RPF1: variants seen among roughly 807,000 people sequenced by gnomAD.
The protein encoded by RPF1 is ribosome production factor 1 homolog.
Under a neutral mutation model 41.9 loss-of-function variants are expected in RPF1, and 34 were observed. The observed-to-expected ratio is 0.81, with a 90% CI of 0.62 to 1.08. The LOEUF is 1.08. RPF1 is among the 50% of genes least tolerant of loss of function. The pLI is 0.00. For synonymous variants in RPF1, 140 were observed against 148.9 expected (o/e 0.94, Z 0.43); for missense variants, 425 against 435.2 (o/e 0.98, Z 0.21).
At chr1:84,486,899 A>T (rs925220644) in intron 3 of RPF1, among the ~76,000 whole-genome samples, 5 of 152,190 alleles carry the variant, frequency 3.3e-5, no homozygotes, top group Admixed American at 3.3e-4. Flanking sequence ...GATGGTATTA[A>T]GGTTTTAGAC....
At chr1:84,479,620 G>T in intron 1 of RPF1, 111 bp downstream of exon 1, 2 of 1,044,134 alleles carry the variant, frequency 1.9e-6, no homozygotes, top group Non-Finnish European at 2.8e-6. Context: ...GTTCTCTGTG[G>T]CTCCGTGGGA....
At chr1:84,490,606 C>A in intron 5 of RPF1, 134 bp downstream of exon 5, 1 of 627,986 alleles carries the variant, frequency 1.6e-6, no homozygotes, top group Non-Finnish European at 2.6e-6. Context: ...GTATCTCTTT[C>A]CAAGAGTCTA....
rs1681814351 is a variant in RPF1, at chr1:84,490,453, T to C, written c.597T>C (p.Asn199=). The C allele has an allele frequency of 6.3e-7, 1 of 1,595,122 alleles. No individual in the cohort carries two copies. The highest frequency in any genetic ancestry group is 8.5e-7 in the Non-Finnish European group (1 of 1,174,286). ...ATTTCACAGACCTGATTGTTATTAA[T>C]GAAGATCGTAAAACCCCAAGTATCC... ...ARDFTDLIVI[N]EDRKTPNGLI... is the part of the protein sequence containing the mutation. The change falls in exon 5 of 9, where the codon AAT becomes AAC. Residue 199 remains asparagine, a synonymous_variant. Coordinates refer to ENST00000370654, the MANE Select transcript of RPF1 (RefSeq NM_025065.7).
rs760033678 is a variant in RPF1 at position 84,496,383 on chromosome 1, T to C, written c.1008+13T>C. ...ATGGGTCCATAAGGTATGTGCTTAT[T>C]GTTTAAAAAGACTAAGTCATTTTTA... is the stretch of plus-strand genomic sequence containing the variant. On this transcript the variant is annotated intron_variant, in intron 8 of 8. Coordinates refer to ENST00000370654, the MANE Select transcript of RPF1 (RefSeq NM_025065.7). 1.3e-6 allele frequency: 2 copies of C among 1,582,572 alleles called. No homozygotes were observed. The highest frequency in any genetic ancestry group is 2.7e-5 in the African/African-American group (2 of 73,242).
chr1:84,483,160 T>G, intron 3 of RPF1, 165 bp downstream of exon 3: 1 of 509,346 alleles, frequency 2.0e-6, no homozygotes, highest in Admixed American at 3.4e-5. Context: ...TATTTCATAA[T>G]TGAATTTCCC....
intron 3 of RPF1, among the ~76,000 whole-genome samples, chr1:84,488,340 A>G (rs1272963226): frequency 1.3e-5 from 2 of 152,092 alleles, no homozygotes; most frequent in African/African-American, 4.8e-5. Context: ...CTATTCCTGG[A>G]TATCTTACAG....
intron 5 of RPF1, among the ~76,000 whole-genome samples, chr1:84,493,686 G>A (rs1366957487): frequency 1.3e-5 from 2 of 152,180 alleles, no homozygotes; most frequent in African/African-American, 4.8e-5. Context: ...AGTGATGAGT[G>A]CTGTGGTAGC....
chr1:84,486,421 A>G (rs975937281), intron 3 of RPF1, among the ~76,000 whole-genome samples: 3 of 151,904 alleles, frequency 2.0e-5, no homozygotes, highest in African/African-American at 4.8e-5. Flanking sequence ...CCCCATCTCT[A>G]CTAAAAATAC....
chr1:84,482,866 T>G, intron 2 of RPF1, 49 bp from the exon 3 acceptor site: 1 of 1,144,714 alleles, frequency 8.7e-7, no homozygotes, highest in Non-Finnish European at 1.3e-6. Context: ...AACAGTAATA[T>G]AATTAATGTA....
At chr1:84,480,528 C>T (rs1346316999) in intron 1 of RPF1, among the ~76,000 whole-genome samples, 2 of 152,042 alleles carry the variant, frequency 1.3e-5, no homozygotes, top group Non-Finnish European at 2.9e-5. Context: ...TTATGGAAAA[C>T]AACCTGAAAA....
rs1315146545 is a variant in RPF1 at position 84,479,328 on chromosome 1, T to TA, written c.51dup (p.Arg18ThrfsTer36). ...AGCAGCAGCAGCGGGAAGAAAAGTC[T>TA]AAAACGGAAAGCCGCTGCCGAAGAA... On this transcript the variant is annotated frameshift_variant, in exon 1 of 9. Transcript: ENST00000370654. LOFTEE classifies it high-confidence loss of function. 6.2e-7 allele frequency: 1 copy of TA among 1,612,122 alleles called. No homozygotes were observed. The highest frequency in any genetic ancestry group is 1.1e-5 in the South Asian group (1 of 90,994).
intron 2 of RPF1, among the ~76,000 whole-genome samples, 180 bp from the exon 3 acceptor site, chr1:84,482,733 TTA>T (rs1558538667): frequency 3.5e-5 from 5 of 143,302 alleles, no homozygotes; most frequent in Admixed American, 7.0e-5. Flanking sequence ...CCCAGATTGT[TTA>T]AAAAAAAAAA....
Position 84,496,751 on chromosome 1 carries a change from A to G in RPF1, c.1008+381A>G, listed in dbSNP as rs113743845. ...ATTTAGGGGGTGGGACCCAGCAGCA[A>G]TCTGCTTATAAGCCTGTGTTATATG... On this transcript the variant is annotated intron_variant, in intron 8 of 8. Coordinates refer to ENST00000370654, the MANE Select transcript of RPF1 (RefSeq NM_025065.7). Among the ~76,000 whole-genome samples, 32 of 152,282 alleles carry G rather than the reference A, an allele frequency of 2.1e-4. 1 individual carries two copies. Among genetic ancestry groups the G allele is most frequent in the African/African-American group, 6.5e-4 (27 of 41,564 alleles).
intron 4 of RPF1, 44 bp from the exon 5 acceptor site, chr1:84,490,272 ATTC>A (rs1431938118): frequency 7.6e-7 from 1 of 1,321,954 alleles, no homozygotes; most frequent in Non-Finnish European, 1.0e-6. Context: ...TAAGATTTTT[ATTC>A]TTTTTTGAAA....
At chr1:84,486,482 G>C (rs1014869405) in intron 3 of RPF1, among the ~76,000 whole-genome samples, 18 of 151,510 alleles carry the variant, frequency 1.2e-4, no homozygotes, top group Non-Finnish European at 1.6e-4. Context: ...CAGCTACTCG[G>C]GAGGCTGAAG....
In RPF1 at chr1:84,497,371, T is replaced by C. The variant is rs1309882548; in HGVS notation, c.1009-58T>C. The C allele has an allele frequency of 5.0e-6, 7 of 1,412,480 alleles. No individual in the cohort carries two copies. The Admixed American group carries it at 1.2e-4, about 25-fold the overall frequency. The allele number at this position is 1,412,480 out of a possible 1,614,324, so 87.5% of individuals were successfully genotyped here. A position where few individuals can be genotyped will look rare whatever the true frequency, so the allele number is the denominator to read the frequency against. ...GTTAACTTTTACTGTCTTACCTGAA[T>C]TGTTAATTATATTTTTGTTTTGTTT... On this transcript the variant is annotated intron_variant, in intron 8 of 8. Coordinates refer to ENST00000370654, the MANE Select transcript of RPF1 (RefSeq NM_025065.7).
At chr1:84,496,118 C>T (rs1033812960) in intron 7 of RPF1, 55 bp downstream of exon 7, 18 of 1,484,140 alleles carry the variant, frequency 1.2e-5, no homozygotes, top group Non-Finnish European at 1.6e-5. Flanking sequence ...ATATTTTCAA[C>T]ATGAACTAAT....
At chr1:84,480,854 C>T (rs1284519274) in intron 1 of RPF1, 102 bp from the exon 2 acceptor site, 8 of 648,478 alleles carry the variant, frequency 1.2e-5, no homozygotes, top group Non-Finnish European at 2.2e-5. Context: ...AAAGACCGCC[C>T]AGTTCGAGTA....
chr1:84,482,307 T>A (rs1466654388), intron 2 of RPF1, among the ~76,000 whole-genome samples: 1 of 152,206 alleles, frequency 6.6e-6, no homozygotes, highest in African/African-American at 2.4e-5. Context: ...TGATTGCTGA[T>A]CCTAACAGTA....
Sources: gnomAD v4.1 joint callset for allele counts (sites outside exome capture counted in the v4.1 genomes callset) on GRCh38, gnomAD v4.1.1 for gene constraint, MANE v1.5 for transcripts, NCBI Gene and HGNC (gene_info 2026-07-23, HGNC 2026-07-21) for gene names.